LONP1: variants seen among roughly 807,000 people sequenced by gnomAD.
The protein encoded by LONP1 is lon peptidase 1, mitochondrial.
LONP1 carries 31 observed loss-of-function variants against 98.5 expected under a neutral mutation model. The ratio of observed to expected loss-of-function variants is 0.31; its 90% CI spans 0.24 to 0.42. LONP1 has a LOEUF of 0.42. Among genes scored for constraint, LONP1 ranks in the 20% least tolerant of loss-of-function variants. The pLI is 1.00. For missense variants in LONP1, 1,336 were observed against 1,350.6 expected (o/e 0.99, Z 0.17); for synonymous variants, 781 against 594.7 (o/e 1.31, Z -4.56).
intron 2 of LONP1, among the ~76,000 whole-genome samples, chr19:5,713,595 C>T (rs1004812055): frequency 1.3e-5 from 2 of 152,058 alleles, no homozygotes; most frequent in Admixed American, 6.6e-5. Context: ...GAGTTTCGCT[C>T]TTGTTGCCCA....
intron 1 of LONP1, among the ~76,000 whole-genome samples, chr19:5,716,293 T>TATATATATAC (rs2055321760): frequency 9.0e-6 from 1 of 110,688 alleles, no homozygotes; most frequent in African/African-American, 3.3e-5. Flanking sequence ...TATATATATA[T>TATATATATAC]ATATATAGTA....
chr19:5,703,473 G>A (rs889361307), intron 8 of LONP1, among the ~76,000 whole-genome samples: 23 of 152,132 alleles, frequency 1.5e-4, no homozygotes, highest in Non-Finnish European at 3.1e-4. Flanking sequence ...GTGCAGCAGT[G>A]AGCAGCGGCC....
In LONP1 at chr19:5,699,009, C is replaced by T; in HGVS notation, c.1685+18G>A. Reference sequence around the variant, plus strand: ...AGCTGAGGGGAGTGCGTGGGGAGAGCTGTCAGGCCAGGCCTACCTGTGGCC... The same window carrying T: ...AGCTGAGGGGAGTGCGTGGGGAGAGTTGTCAGGCCAGGCCTACCTGTGGCC... On this transcript the variant is annotated intron_variant, in intron 10 of 17. Transcript: ENST00000360614. The T allele has an allele frequency of 6.3e-7, 1 of 1,589,518 alleles. No homozygotes were observed. The highest frequency in any genetic ancestry group is 8.6e-7 in the Non-Finnish European group (1 of 1,165,190).
At chr19:5,710,782 T>C (rs778800122) in intron 4 of LONP1, among the ~76,000 whole-genome samples, 1 of 152,030 alleles carries the variant, frequency 6.6e-6, no homozygotes, top group Non-Finnish European at 1.5e-5. Flanking sequence ...TCCCAGCATT[T>C]TGGGAGGCTG....
At chr19:5,700,349 G>A (rs922716946) in intron 9 of LONP1, among the ~76,000 whole-genome samples, 1 of 152,198 alleles carries the variant, frequency 6.6e-6, no homozygotes, top group Non-Finnish European at 1.5e-5. Context: ...CCGACCTCAG[G>A]TGATCTGCAT....
intron 13 of LONP1, 96 bp downstream of exon 13, chr19:5,695,958 C>T (rs1268426184): frequency 1.6e-5 from 18 of 1,104,150 alleles, no homozygotes; most frequent in South Asian, 1.1e-4. Flanking sequence ...CTGTCTCTCC[C>T]GGGCCCAGGA....
chr19:5,693,840 G>A (rs1395726806), intron 15 of LONP1, 71 bp from the exon 16 acceptor site: 11 of 1,331,642 alleles, frequency 8.3e-6, no homozygotes, highest in Middle Eastern at 2.1e-4. Flanking sequence ...CACCCCTCGG[G>A]GCCACTCTGA....
At chr19:5,701,488 G>C (rs535327927) in intron 8 of LONP1, among the ~76,000 whole-genome samples, 2 of 152,134 alleles carry the variant, frequency 1.3e-5, no homozygotes, top group Non-Finnish European at 2.9e-5. Context: ...GCGCCGCCAC[G>C]CCTGACTGGT....
intron 8 of LONP1, among the ~76,000 whole-genome samples, chr19:5,702,280 C>G (rs1291092581): frequency 4.3e-5 from 6 of 138,636 alleles, no homozygotes; most frequent in African/African-American, 1.6e-4. Context: ...CCCACCAGGC[C>G]AGCTGCCCCA....
intron 10 of LONP1, among the ~76,000 whole-genome samples, chr19:5,697,720 AC>A (rs1252210870): frequency 1.3e-5 from 2 of 151,470 alleles, no homozygotes; most frequent in Non-Finnish European, 2.9e-5. Flanking sequence ...GCTGTTAATA[AC>A]AACGATCCAT....
At chr19:5,712,273 T>C (rs766234252) in intron 3 of LONP1, among the ~76,000 whole-genome samples, 22 of 152,186 alleles carry the variant, frequency 1.4e-4, no homozygotes, top group Non-Finnish European at 2.4e-4. Context: ...CTAAGTATCG[T>C]GGATAAGCTG....
rs2055245094 is a variant in LONP1 at position 5,711,943 on chromosome 19, T to G, written c.698A>C (p.His233Pro). 6.2e-7 allele frequency: 1 copy of G among 1,613,202 alleles called. No homozygotes were observed. The part of the protein sequence containing the change: ...EPEEPEAENK[H>P]KPRRKSKRGK... ...CCGCTTTGACTTCCTGCGGGGCTTG[T>G]GCTTGTTCTCCGCCTCCGGCTCCTC... The change falls in exon 4 of 18, where the codon CAC (histidine) becomes CCC (proline). Residue 233 changes from histidine to proline, a missense_variant. His to Pro is a moderately conservative substitution (Grantham distance 77). Coordinates refer to ENST00000360614, the MANE Select transcript of LONP1 (RefSeq NM_004793.4).
rs577434402 is a variant in LONP1 at position 5,719,966 on chromosome 19, C to T, written c.167G>A (p.Gly56Asp). 5.7e-6 allele frequency: 9 copies of T among 1,577,328 alleles called. No homozygotes were observed. The African/African-American group carries it at 1.2e-4, about 21-fold the overall frequency. Residue 56 changes from glycine to aspartate, a missense_variant, in exon 1 of 18, where the codon GGC becomes GAC. Physicochemically the swap from Gly to Asp is moderately conservative, Grantham distance 94 (BLOSUM62 -1). Coordinates refer to ENST00000360614, the MANE Select transcript of LONP1 (RefSeq NM_004793.4). Reference sequence around the variant, plus strand: ...TTGGCCCCCAATTGCCGGGCCTCGGCCCCACAGTGCCCAAGGAGGAGAGGC... The same window carrying T: ...TTGGCCCCCAATTGCCGGGCCTCGGTCCCACAGTGCCCAAGGAGGAGAGGC... ...CDASPPWALW[G>D]RGPAIGGQWR...
At chr19:5,699,250 C>A (rs538455204) in intron 9 of LONP1, 45 bp from the exon 10 acceptor site, 14 of 1,440,762 alleles carry the variant, frequency 9.7e-6, no homozygotes, top group Non-Finnish European at 1.3e-5. Flanking sequence ...CTGGGGAAGC[C>A]GGGGACCCGC....
chr19:5,698,253 G>T (rs1478274880), intron 10 of LONP1, among the ~76,000 whole-genome samples: 3 of 152,166 alleles, frequency 2.0e-5, no homozygotes, highest in African/African-American at 7.2e-5. Context: ...GAGCCGGGAG[G>T]TCGGGAGCTG....
Position 5,693,479 on chromosome 19 carries a change from G to A in LONP1, c.2539-17C>T. On this transcript the variant is annotated splice_polypyrimidine_tract_variant and intron_variant, in intron 16 of 17. Coordinates refer to ENST00000360614, the MANE Select transcript of LONP1 (RefSeq NM_004793.4). Reference sequence around the variant, plus strand: ...GGTGGCGCCCTGTGGAGGCATGTGGGGATAGTGGGTGAGCAGGTGGCCAGC... The same window carrying A: ...GGTGGCGCCCTGTGGAGGCATGTGGAGATAGTGGGTGAGCAGGTGGCCAGC... 3 of 1,611,396 alleles carry A rather than the reference G, an allele frequency of 1.9e-6. No individual in the cohort carries two copies. Among genetic ancestry groups the A allele is most frequent in the Non-Finnish European group, 2.5e-6 (3 of 1,178,192 alleles).
chr19:5,714,329 GTC>G, intron 1 of LONP1, 58 bp from the exon 2 acceptor site: 2 of 1,167,100 alleles, frequency 1.7e-6, no homozygotes, highest in Non-Finnish European at 2.5e-6. Flanking sequence ...TTGAGACAGA[GTC>G]TCATTCTGTT....
intron 1 of LONP1, 38 bp from the exon 2 acceptor site, chr19:5,714,309 G>T: frequency 2.1e-6 from 3 of 1,443,388 alleles, no homozygotes; most frequent in Non-Finnish European, 2.9e-6. Flanking sequence ...ATGCAGAGTA[G>T]ATTTTTTTTT....
intron 5 of LONP1, 45 bp from the exon 6 acceptor site, chr19:5,707,871 C>A: frequency 1.9e-6 from 3 of 1,605,972 alleles, no homozygotes; most frequent in South Asian, 1.1e-5. Context: ...GCCTCACGCT[C>A]TGCTGCAGTG....
Sources: gnomAD v4.1 joint callset for allele counts (sites outside exome capture counted in the v4.1 genomes callset) on GRCh38, gnomAD v4.1.1 for gene constraint, MANE v1.5 for transcripts, NCBI Gene and HGNC (gene_info 2026-07-23, HGNC 2026-07-21) for gene names.